The following PSMD5 variants were observed in gnomAD, a reference collection of about 807,000 sequenced individuals.
PSMD5 encodes proteasome 26S subunit, non-ATPase 5.
A neutral mutation model predicts 52.1 loss-of-function variants in PSMD5; 40 were observed. That is an observed-to-expected ratio of 0.77 (90% CI 0.60 to 1.00). PSMD5 has a LOEUF of 1.00. Ranked by LOEUF, PSMD5 falls within the 50% of genes least tolerant of loss-of-function variation. The pLI, the probability that PSMD5 is intolerant of heterozygous loss-of-function variation, is 0.00. For synonymous variants in PSMD5, 211 were observed against 226.6 expected (o/e 0.93, Z 0.62); for missense variants, 575 against 605.2 (o/e 0.95, Z 0.52).
At chr9:120,829,231 GA>G in intron 4 of PSMD5, 23 bp from the exon 5 acceptor site, 1 of 1,553,350 alleles carries the variant, frequency 6.4e-7, no homozygotes, top group Non-Finnish European at 8.7e-7. Context: ...AAAAAACACA[GA>G]AAAAAGAAAA....
At position 120,817,799 on chromosome 9, in the gene PSMD5, A is replaced by T; in HGVS notation, c.*107T>A. 2 of 1,244,230 alleles carry T rather than the reference A, an allele frequency of 1.6e-6. No individual in the cohort carries two copies. Among genetic ancestry groups the T allele is most frequent in the Non-Finnish European group, 2.2e-6 (2 of 891,968 alleles). The allele number at this position is 1,244,230 out of a possible 1,614,324, so 77.1% of individuals were successfully genotyped here. A position where few individuals can be genotyped will look rare whatever the true frequency, so the allele number is the denominator to read the frequency against. ...ACAAAGTAACATCTGACATTCCATG[A>T]TAATTCTTGGGGAAAGGAAGTCTCT... On this transcript the variant is annotated 3_prime_UTR_variant, in exon 10 of 10. Coordinates refer to ENST00000210313, the MANE Select transcript of PSMD5 (RefSeq NM_005047.4).
intron 6 of PSMD5, among the ~76,000 whole-genome samples, chr9:120,825,993 CTTTT>C (rs1194375987): frequency 7.6e-6 from 1 of 131,252 alleles, no homozygotes. Flanking sequence ...TTGTCCTGAT[CTTTT>C]TTTTTTTTTT....
chr9:120,819,347 C>G (rs2045067010), intron 9 of PSMD5, among the ~76,000 whole-genome samples: 1 of 152,132 alleles, frequency 6.6e-6, no homozygotes, highest in African/African-American at 2.4e-5. Flanking sequence ...GCTTCACAAC[C>G]AAGCATGAAA....
At chr9:120,832,007 T>C in intron 2 of PSMD5, 62 bp from the exon 3 acceptor site, 4 of 1,563,268 alleles carry the variant, frequency 2.6e-6, no homozygotes, top group Non-Finnish European at 3.5e-6. Context: ...AAACACACGA[T>C]GGTCCAATTT....
chr9:120,827,519 G>A (rs1054272217), intron 5 of PSMD5, among the ~76,000 whole-genome samples: 64 of 152,150 alleles, frequency 4.2e-4, no homozygotes, highest in Admixed American at 3.9e-3. Flanking sequence ...AATTTATTTA[G>A]TTGGTGGTTG....
rs138768774 is a variant in PSMD5 at position 120,818,782 on chromosome 9, A to G, written c.1258-619T>C. On this transcript the variant is annotated intron_variant, in intron 9 of 9. Transcript: ENST00000210313. ...AAAAAAAAAAAAAGCAAAAACTGCA[A>G]TTACTTTTGCACCAACCTAATGGAA... Among the ~76,000 whole-genome samples the G allele has an allele frequency of 3.5e-3, 536 of 152,094 alleles. 1 individual carries two copies. Among genetic ancestry groups the G allele is most frequent in the Non-Finnish European group, 4.9e-3 (335 of 67,970 alleles).
intron 5 of PSMD5, among the ~76,000 whole-genome samples, chr9:120,827,440 A>G (rs1267241942): frequency 6.6e-6 from 1 of 152,238 alleles, no homozygotes; most frequent in African/African-American, 2.4e-5. Context: ...ACTGCCACAT[A>G]TTAAGAAATT....
In PSMD5 at chr9:120,825,530, A is replaced by G. The variant is rs565513939; in HGVS notation, c.815-845T>C. On this transcript the variant is annotated intron_variant, in intron 6 of 9. Coordinates refer to ENST00000210313, the MANE Select transcript of PSMD5 (RefSeq NM_005047.4). Reference sequence around the variant, plus strand: ...TTTGGGCAGCATGAACATTTTAATAATATTAATCCTTCCAATCCATGAACA... The same window carrying G: ...TTTGGGCAGCATGAACATTTTAATAGTATTAATCCTTCCAATCCATGAACA... 2.0e-5 allele frequency among the ~76,000 whole-genome samples: 3 copies of G among 152,328 alleles called. No homozygotes were observed. In the East Asian group the frequency reaches 5.8e-4, roughly 29 times the overall value.
intron 1 of PSMD5, among the ~76,000 whole-genome samples, chr9:120,836,690 C>A (rs960533345): frequency 6.6e-6 from 1 of 152,036 alleles, no homozygotes; most frequent in South Asian, 2.1e-4. Flanking sequence ...AGCCACCATG[C>A]CTGGCCCCAT....
chr9:120,828,862 A>G (rs977553501), intron 5 of PSMD5, among the ~76,000 whole-genome samples: 1 of 152,238 alleles, frequency 6.6e-6, no homozygotes, highest in African/African-American at 2.4e-5. Context: ...AGGCCTAGGG[A>G]CATGGAACAG....
intron 1 of PSMD5, chr9:120,841,871 G>A (rs1056902677): frequency 6.6e-6 from 1 of 152,144 alleles, no homozygotes; most frequent in African/African-American, 2.4e-5. Flanking sequence ...GACCTAGCCA[G>A]CGGCAGGTTT....
intron 9 of PSMD5, among the ~76,000 whole-genome samples, chr9:120,819,573 G>A (rs1269624161): frequency 2.0e-5 from 3 of 152,200 alleles, no homozygotes; most frequent in African/African-American, 4.8e-5. Context: ...GGTGGCTCAC[G>A]CCTGTAATCC....
intron 5 of PSMD5, among the ~76,000 whole-genome samples, chr9:120,827,911 G>A (rs1343264990): frequency 6.6e-6 from 1 of 152,232 alleles, no homozygotes; most frequent in African/African-American, 2.4e-5. Context: ...AATAGCGGGT[G>A]GAAGAGACTG....
chr9:120,822,452 T>C (rs943649650), intron 7 of PSMD5, among the ~76,000 whole-genome samples: 1 of 152,222 alleles, frequency 6.6e-6, no homozygotes, highest in Non-Finnish European at 1.5e-5. Context: ...TGTAAAACGA[T>C]TGTCATAGGT....
At chr9:120,822,609 C>T (rs1328702248) in intron 7 of PSMD5, among the ~76,000 whole-genome samples, 1 of 151,676 alleles carries the variant, frequency 6.6e-6, no homozygotes, top group African/African-American at 2.4e-5. Context: ...AGTGCAATGG[C>T]GCAATCTCGA....
At position 120,816,291 on chromosome 9, in the gene PSMD5, G is replaced by A. The variant is rs2045041455; in HGVS notation, c.*1615C>T. On this transcript the variant is annotated 3_prime_UTR_variant, in exon 10 of 10. Coordinates refer to ENST00000210313, the MANE Select transcript of PSMD5 (RefSeq NM_005047.4). ...TAAGATGAAAATAATTCTGAAGATG[G>A]ATGGTGGTGATGGTTGTACAACTTA... is the stretch of plus-strand genomic sequence containing the variant. The A allele has an allele frequency of 6.6e-6, 1 of 152,278 alleles. No homozygotes were observed. Among genetic ancestry groups the A allele is most frequent in the African/African-American group, 2.4e-5 (1 of 41,444 alleles). 9.4% of individuals were successfully genotyped at this position (152,278 alleles called of 1,614,324 possible).
At chr9:120,827,314 C>T (rs957850171) in intron 5 of PSMD5, among the ~76,000 whole-genome samples, 1 of 151,996 alleles carries the variant, frequency 6.6e-6, no homozygotes, top group Non-Finnish European at 1.5e-5. Flanking sequence ...ATCTCTTTTC[C>T]CTACTTTTTG....
chr9:120,829,756 T>A (rs2045147452), intron 4 of PSMD5, among the ~76,000 whole-genome samples: 1 of 152,150 alleles, frequency 6.6e-6, no homozygotes, highest in South Asian at 2.1e-4. Context: ...GCCCAAGCAA[T>A]CATCAATCAG....
rs1588066695 is a variant in PSMD5 at position 120,822,588 on chromosome 9, AC to A, written c.1007-1125del. On this transcript the variant is annotated intron_variant, in intron 7 of 9. Coordinates refer to ENST00000210313, the MANE Select transcript of PSMD5 (RefSeq NM_005047.4). ...TTTTGAGATGGAGTCTTGCTGTGTC[AC>A]CCAGGCTGGAGTGCAATGGCGCAAT... 2.6e-5 allele frequency among the ~76,000 whole-genome samples: 4 copies of A among 152,014 alleles called. No homozygotes were observed. The East Asian group carries it at 7.7e-4, about 29-fold the overall frequency.
Sources: allele counts gnomAD v4.1 joint callset (sites outside exome capture counted in the v4.1 genomes callset), GRCh38; gene constraint gnomAD v4.1.1; transcripts MANE v1.5; gene names NCBI Gene and HGNC (gene_info 2026-07-23, HGNC 2026-07-21).